The following FILIP1L variants were observed in gnomAD, a reference collection of about 807,000 sequenced individuals.
FILIP1L encodes the protein filamin A interacting protein 1 like, also known as filamin A-interacting protein 1-like.
A neutral mutation model predicts 96.6 loss-of-function variants in FILIP1L; 55 were observed. That is an observed-to-expected ratio of 0.57 (90% CI 0.46 to 0.71). The LOEUF is 0.71. Among genes scored for constraint, FILIP1L ranks in the 30% least tolerant of loss-of-function variants. The pLI is 0.00. For missense variants in FILIP1L, 1,304 were observed against 1,321.2 expected, an observed-to-expected ratio of 0.99 and a Z score of 0.20; for synonymous variants, 467 against 473.9, an observed-to-expected ratio of 0.99 and a Z score of 0.19.
chr3:100,057,545 G>C (rs1559742329), intron 1 of FILIP1L, among the ~76,000 whole-genome samples: 1 of 152,148 alleles, frequency 6.6e-6, no homozygotes. Flanking sequence ...TAAAGTTCTC[G>C]TGATATGTCT....
At chr3:100,024,545 T>C (rs572193864) in intron 1 of FILIP1L, among the ~76,000 whole-genome samples, 41 of 152,276 alleles carry the variant, frequency 2.7e-4, no homozygotes, top group African/African-American at 8.7e-4. Flanking sequence ...CTGTTTTCTT[T>C]CATGGTTATA....
intron 1 of FILIP1L, among the ~76,000 whole-genome samples, chr3:99,983,288 C>A (rs1428875219): frequency 6.7e-6 from 1 of 150,294 alleles, no homozygotes; most frequent in African/African-American, 2.5e-5. Context: ...AATCCTAACA[C>A]TTTGGGAGGC....
intron 1 of FILIP1L, among the ~76,000 whole-genome samples, chr3:100,035,445 G>A (rs879627339): frequency 3.3e-5 from 5 of 152,026 alleles, no homozygotes; most frequent in Non-Finnish European, 5.9e-5. Context: ...AGCTAATTTG[G>A]TATTTTTAGT....
chr3:99,997,514 C>T (rs184580242), intron 1 of FILIP1L, among the ~76,000 whole-genome samples: 12 of 152,286 alleles, frequency 7.9e-5, no homozygotes, highest in East Asian at 3.9e-4. Context: ...ATCTTGGCTA[C>T]GCATTAGAAT....
intron 3 of FILIP1L, among the ~76,000 whole-genome samples, chr3:99,929,513 A>AGTGT (rs10629410): frequency 0.27 from 40,167 of 148,102 alleles, 5,449 homozygotes; most frequent in Admixed American, 0.32. Flanking sequence ...AAGTTCCCAG[A>AGTGT]GTGTGTGTGT....
chr3:99,901,980 G>A (rs184570726), intron 4 of FILIP1L, among the ~76,000 whole-genome samples: 117 of 152,176 alleles, frequency 7.7e-4, no homozygotes, highest in African/African-American at 2.7e-3. Flanking sequence ...ACAAAACACA[G>A]AGTGTTTTTT....
intron 4 of FILIP1L, among the ~76,000 whole-genome samples, chr3:99,860,467 C>CT (rs1284679249): frequency 6.6e-6 from 1 of 152,148 alleles, no homozygotes; most frequent in Non-Finnish European, 1.5e-5. Flanking sequence ...AAATCTCACT[C>CT]TTTTAAGAGC....
chr3:99,847,107 T>C (rs1274153884), intron 5 of FILIP1L, among the ~76,000 whole-genome samples: 1 of 152,190 alleles, frequency 6.6e-6, no homozygotes, highest in Non-Finnish European at 1.5e-5. Context: ...ATTCACACTA[T>C]ATTACTTCTT....
At chr3:100,048,614 CT>C (rs1305251362) in intron 1 of FILIP1L, among the ~76,000 whole-genome samples, 1 of 152,122 alleles carries the variant, frequency 6.6e-6, no homozygotes, top group Non-Finnish European at 1.5e-5. Context: ...TCTTGCACCA[CT>C]TTTTTGGACT....
chr3:99,833,400 G>T, intron 5 of FILIP1L: 2 of 682,600 alleles, frequency 2.9e-6, no homozygotes, highest in East Asian at 2.8e-5. Context: ...TTATTAGAAG[G>T]CATTGAGTCA....
At chr3:99,888,868 T>C (rs1183080785) in intron 4 of FILIP1L, among the ~76,000 whole-genome samples, 2 of 152,234 alleles carry the variant, frequency 1.3e-5, no homozygotes, top group Non-Finnish European at 2.9e-5. Flanking sequence ...CTTATTGGGC[T>C]TTCATCTCTT....
chr3:100,053,018 T>A (rs2065400216), intron 1 of FILIP1L, among the ~76,000 whole-genome samples: 1 of 152,216 alleles, frequency 6.6e-6, no homozygotes, highest in African/African-American at 2.4e-5. Flanking sequence ...CTGCTCTCCC[T>A]TTGGTTACCA....
chr3:99,985,662 C>T (rs887363249), intron 1 of FILIP1L, among the ~76,000 whole-genome samples: 2 of 151,476 alleles, frequency 1.3e-5, no homozygotes, highest in Non-Finnish European at 2.9e-5. Context: ...GATCTCGGCT[C>T]ACTGCAACCT....
chr3:100,058,115 C>G (rs1480175007), intron 1 of FILIP1L, among the ~76,000 whole-genome samples: 1 of 152,142 alleles, frequency 6.6e-6, no homozygotes, highest in Non-Finnish European at 1.5e-5. Flanking sequence ...GGGAAGTTAC[C>G]TAGCTTTCCT....
At chr3:99,936,414 C>T (rs903067015) in intron 1 of FILIP1L, among the ~76,000 whole-genome samples, 14 of 127,874 alleles carry the variant, frequency 1.1e-4, no homozygotes, top group Non-Finnish European at 1.9e-4. Flanking sequence ...CTCACACTGT[C>T]GCCCAGGCTA....
intron 1 of FILIP1L, among the ~76,000 whole-genome samples, chr3:99,995,155 G>T (rs1486043403): frequency 6.6e-6 from 1 of 152,170 alleles, no homozygotes; most frequent in South Asian, 2.1e-4. Flanking sequence ...TCAAAAGCAA[G>T]CTAGTTACTT....
chr3:100,035,548 AC>A (rs1358860318), intron 1 of FILIP1L, among the ~76,000 whole-genome samples: 1 of 152,162 alleles, frequency 6.6e-6, no homozygotes, highest in East Asian at 1.9e-4. Context: ...CAGGCGTGAG[AC>A]ACTGCACACA....
intron 4 of FILIP1L, among the ~76,000 whole-genome samples, chr3:99,895,073 T>C (rs1040708490): frequency 1.3e-5 from 2 of 151,706 alleles, no homozygotes; most frequent in Non-Finnish European, 2.9e-5. Context: ...ACTCTTGCCC[T>C]CCAGGTGCCA....
intron 4 of FILIP1L, among the ~76,000 whole-genome samples, chr3:99,857,790 C>T (rs1005893385): frequency 7.9e-5 from 12 of 152,208 alleles, no homozygotes; most frequent in African/African-American, 2.9e-4. Flanking sequence ...AGCTTAGCTT[C>T]TCATCTGTCT....
Sources: gnomAD v4.1 joint callset for allele counts (sites outside exome capture counted in the v4.1 genomes callset) on GRCh38, gnomAD v4.1.1 for gene constraint, MANE v1.5 for transcripts, NCBI Gene and HGNC (gene_info 2026-07-23, HGNC 2026-07-21) for gene names.